XRN1: variants seen among roughly 807,000 people sequenced by gnomAD.
The protein encoded by XRN1 is 5'-3' exoribonuclease 1.
A neutral mutation model predicts 222.3 loss-of-function variants in XRN1; 67 were observed. The observed-to-expected ratio is 0.30, with a 90% CI of 0.25 to 0.37. XRN1 has a LOEUF of 0.37. Among genes scored for constraint, XRN1 ranks in the 10% least tolerant of loss-of-function variants. The probability of loss-of-function intolerance (pLI) is 1.00; values close to 1 mark genes in which losing one functional copy is unlikely to be tolerated. For synonymous variants in XRN1, 643 were observed against 652.4 expected (o/e 0.99, Z 0.22); for missense variants, 1,707 against 2,000.2 (o/e 0.85, Z 2.80).
intron 1 of XRN1, chr3:142,435,871 G>GGC (rs2069873076): frequency 6.6e-6 from 1 of 151,246 alleles, no homozygotes; most frequent in African/African-American, 2.4e-5. Context: ...AGACCATTCT[G>GGC]TGAATGGTGA....
chr3:142,362,500 T>C (rs1447531213), intron 29 of XRN1, among the ~76,000 whole-genome samples: 1 of 151,972 alleles, frequency 6.6e-6, no homozygotes, highest in Non-Finnish European at 1.5e-5. Flanking sequence ...CTTGAACTCC[T>C]GACTTCAAGT....
chr3:142,433,727 A>G (rs940061511), intron 1 of XRN1, among the ~76,000 whole-genome samples: 3 of 152,244 alleles, frequency 2.0e-5, no homozygotes, highest in African/African-American at 7.2e-5. Flanking sequence ...AAAGAATCTT[A>G]GAATAGAGTC....
intron 20 of XRN1, 67 bp from the exon 21 acceptor site, chr3:142,384,752 G>A (rs548945561): frequency 5.8e-6 from 7 of 1,216,462 alleles, no homozygotes; most frequent in Admixed American, 2.6e-5. Flanking sequence ...GACGATAATC[G>A]TCAACTATCG....
chr3:142,330,420 TAACA>T (rs545754729), intron 36 of XRN1, among the ~76,000 whole-genome samples: 191 of 152,262 alleles, frequency 1.3e-3, no homozygotes, highest in African/African-American at 4.4e-3. Flanking sequence ...TCTTTATGAT[TAACA>T]AACTCACTAA....
chr3:142,313,405 C>A (rs1479679069), intron 39 of XRN1, among the ~76,000 whole-genome samples: 1 of 152,114 alleles, frequency 6.6e-6, no homozygotes, highest in Non-Finnish European at 1.5e-5. Flanking sequence ...CCTAGTAAGC[C>A]AGACTCTGAG....
rs763710374 is a variant in XRN1, at chr3:142,383,335, T to A, written c.2581A>T (p.Met861Leu). 3.1e-6 allele frequency: 5 copies of A among 1,613,802 alleles called. No homozygotes were observed. The African/African-American group carries it at 6.7e-5, about 22-fold the overall frequency. ...CAGCCATAATAGGGAGTTCCCAGCA[T>A]AAAGACCATACTTCTCAGAGGAAAC... is the stretch of plus-strand genomic sequence containing the variant. The part of the protein sequence containing the change: ...DLFPLRSMVF[M>L]LGTPYYGCTG... Residue 861 changes from methionine to leucine, a missense_variant, in exon 22 of 41, where the codon ATG (methionine) becomes TTG (leucine). By Grantham distance (15) the Met-to-Leu change is conservative (BLOSUM62 2). This residue lies in a region of XRN1 where 1,234 missense variants were observed against 1,518.2 expected (regional missense o/e 0.81). Coordinates refer to ENST00000392981, the MANE Select transcript of XRN1 (RefSeq NM_001282857.2).
chr3:142,347,981 T>C (rs944030412), intron 32 of XRN1, among the ~76,000 whole-genome samples: 3 of 152,148 alleles, frequency 2.0e-5, no homozygotes, highest in South Asian at 2.1e-4. Context: ...TACTAAACTT[T>C]AGGTAAATGT....
rs760167640 is a variant in XRN1, at chr3:142,404,866, G to C, written c.1883+41C>G. The C allele has an allele frequency of 2.2e-5, 35 of 1,602,446 alleles. No homozygotes were observed. In the South Asian group the frequency reaches 2.7e-4, roughly 12 times the overall value. ...ACCACTTCTCGCACCCTTGTGTTAG[G>C]AGCGCTCTTTTGTTGTTGAAAAATT... On this transcript the variant is annotated intron_variant, in intron 16 of 40. Coordinates refer to ENST00000392981, the MANE Select transcript of XRN1 (RefSeq NM_001282857.2).
At chr3:142,431,962 A>AATATAATATATTGTATATATT (rs1201506801) in intron 2 of XRN1, among the ~76,000 whole-genome samples, 40 of 92,762 alleles carry the variant, frequency 4.3e-4, no homozygotes, top group African/African-American at 1.4e-3. Context: ...TATTATATAT[A>AATATAATATATTGTATATATT]ATATAATATA....
At chr3:142,357,370 G>A (rs765671988) in intron 30 of XRN1, among the ~76,000 whole-genome samples, 3 of 151,992 alleles carry the variant, frequency 2.0e-5, no homozygotes, top group Non-Finnish European at 2.9e-5. Flanking sequence ...GGTGTGTGTC[G>A]ATTTGTCGTT....
chr3:142,314,637 G>A (rs956514915), intron 39 of XRN1, among the ~76,000 whole-genome samples: 1 of 151,852 alleles, frequency 6.6e-6, no homozygotes, highest in Non-Finnish European at 1.5e-5. Flanking sequence ...GGGCACAGTG[G>A]CTCATGCCTG....
At chr3:142,345,703 GA>G (rs1469515257) in intron 33 of XRN1, among the ~76,000 whole-genome samples, 6 of 151,744 alleles carry the variant, frequency 4.0e-5, no homozygotes, top group Non-Finnish European at 8.8e-5. Flanking sequence ...TACAAACCAA[GA>G]AAAAAGATTA....
chr3:142,410,579 T>C (rs77208095), intron 15 of XRN1, among the ~76,000 whole-genome samples: 4,740 of 142,438 alleles, frequency 0.033, 239 homozygotes, highest in African/African-American at 0.12. Flanking sequence ...CTGCAACCTC[T>C]GCCTCTGAGG....
intron 32 of XRN1, among the ~76,000 whole-genome samples, chr3:142,352,227 T>C: frequency 6.6e-6 from 1 of 152,188 alleles, no homozygotes; most frequent in East Asian, 1.9e-4. Context: ...GTCATCTGTT[T>C]TGGCCCCAAG....
intron 15 of XRN1, among the ~76,000 whole-genome samples, chr3:142,411,907 C>T (rs1465805523): frequency 5.9e-5 from 9 of 151,652 alleles, no homozygotes; most frequent in African/African-American, 1.2e-4. Context: ...CTGTAGGCTC[C>T]GCCCCCGGGG....
At chr3:142,361,713 T>A (rs1217830548) in intron 29 of XRN1, among the ~76,000 whole-genome samples, 3 of 152,208 alleles carry the variant, frequency 2.0e-5, no homozygotes, top group Non-Finnish European at 4.4e-5. Context: ...TCTTTTCATA[T>A]GCTTATTTGC....
At chr3:142,414,064 T>G (rs887842105) in intron 14 of XRN1, 71 bp downstream of exon 14, 42 of 1,387,220 alleles carry the variant, frequency 3.0e-5, no homozygotes, top group Admixed American at 1.8e-4. Context: ...TGAGTATTAT[T>G]GTTTCTAGGT....
At chr3:142,384,291 A>C (rs2067415768) in intron 21 of XRN1, among the ~76,000 whole-genome samples, 1 of 151,814 alleles carries the variant, frequency 6.6e-6, no homozygotes, top group Non-Finnish European at 1.5e-5. Context: ...AAAAGAAAAA[A>C]AAAAAAGCAT....
At chr3:142,395,535 C>G (rs1445625444) in intron 20 of XRN1, among the ~76,000 whole-genome samples, 2 of 152,146 alleles carry the variant, frequency 1.3e-5, no homozygotes, top group African/African-American at 4.8e-5. Context: ...GATAAGAGGT[C>G]AAGATCTCTT....
Sources: allele counts gnomAD v4.1 joint callset (sites outside exome capture counted in the v4.1 genomes callset), GRCh38; gene constraint gnomAD v4.1.1; regional missense constraint gnomAD v4.1.1; transcripts MANE v1.5; gene names NCBI Gene and HGNC (gene_info 2026-07-23, HGNC 2026-07-21).